TLN2: variants seen among roughly 807,000 people sequenced by gnomAD.
TLN2 encodes talin-2.
TLN2 carries 118 observed loss-of-function variants against 294.7 expected under a neutral mutation model. That is an observed-to-expected ratio of 0.40 (90% CI 0.34 to 0.47). The LOEUF (loss-of-function observed/expected upper bound fraction) is 0.47, where lower values mean the gene tolerates loss of function less well. TLN2 is among the 20% of genes least tolerant of loss of function. The pLI is 0.84. For synonymous variants in TLN2, 1,431 were observed against 1,304.5 expected (o/e 1.10, Z -2.09); for missense variants, 3,083 against 3,282.2 (o/e 0.94, Z 1.48).
chr15:62,490,111 C>G (rs188090256), intron 1 of TLN2, among the ~76,000 whole-genome samples: 3 of 152,154 alleles, frequency 2.0e-5, no homozygotes, highest in Non-Finnish European at 2.9e-5. Flanking sequence ...TTAGCATATT[C>G]GTAGTGAGAC....
intron 9 of TLN2, among the ~76,000 whole-genome samples, chr15:62,667,549 G>T (rs2054863227): frequency 6.6e-6 from 1 of 152,122 alleles, no homozygotes; most frequent in Non-Finnish European, 1.5e-5. Context: ...CACAAATGAG[G>T]CGACATCCCT....
At chr15:62,481,983 G>T (rs1399360516) in intron 1 of TLN2, among the ~76,000 whole-genome samples, 1 of 151,582 alleles carries the variant, frequency 6.6e-6, no homozygotes, top group African/African-American at 2.4e-5. Context: ...TTTTAGTAGA[G>T]ACGGGATTTC....
chr15:62,675,298 G>A lies in TLN2; in HGVS notation c.934G>A (p.Gly312Ser). The part of the protein sequence containing the change: ...VKLARSLRTY[G>S]VSFFLVKEKM... ...ACTCGCACGGTCCCTCCGCACATAT[G>A]GCGTGTCCTTCTTCCTGGTGAAGGT... The change falls in exon 11 of 59, where the codon GGC becomes AGC. Residue 312 changes from glycine to serine, a missense_variant. Transcript: ENST00000636159. 1 of 1,614,196 alleles carries A rather than the reference G, an allele frequency of 6.2e-7. No individual in the cohort carries two copies. Among genetic ancestry groups the A allele is most frequent in the African/African-American group, 1.3e-5 (1 of 75,052 alleles).
intron 1 of TLN2, among the ~76,000 whole-genome samples, chr15:62,498,414 C>G (rs1661314): frequency 0.29 from 44,614 of 151,864 alleles, 7,583 homozygotes; most frequent in African/African-American, 0.47. Context: ...TGTTGTTTTA[C>G]TGGCTACTTG....
intron 9 of TLN2, among the ~76,000 whole-genome samples, chr15:62,659,790 A>G (rs886600570): frequency 2.6e-5 from 4 of 152,220 alleles, no homozygotes; most frequent in Non-Finnish European, 5.9e-5. Context: ...AATTAGGCCA[A>G]ATTAGGTAAT....
Position 62,792,736 on chromosome 15 carries a change from C to G in TLN2, c.5832C>G (p.Asp1944Glu). Residue 1944 changes from aspartate to glutamate, a missense_variant, in exon 46 of 59, where the codon GAC becomes GAG. By Grantham distance (45) the Asp-to-Glu change is conservative. Coordinates refer to ENST00000636159, the MANE Select transcript of TLN2 (RefSeq NM_015059.3). ...GGGCCCTCCAGGTCTGCCCCACAGA[C>G]AGCTACACCAAGAGGGAGCTGATCG... ...KAGALQVCPT[D>E]SYTKRELIEC... 1 of 1,614,096 alleles carries G rather than the reference C, an allele frequency of 6.2e-7. No individual in the cohort carries two copies. The highest frequency in any genetic ancestry group is 8.5e-7 in the Non-Finnish European group (1 of 1,180,036).
intron 1 of TLN2, among the ~76,000 whole-genome samples, chr15:62,403,095 G>A (rs918952758): frequency 6.6e-6 from 1 of 152,056 alleles, no homozygotes; most frequent in Non-Finnish European, 1.5e-5. Context: ...AAAATTGGCT[G>A]GGCATGGTGG....
intron 1 of TLN2, among the ~76,000 whole-genome samples, chr15:62,576,090 T>G (rs2140665011): frequency 6.6e-6 from 1 of 152,272 alleles, no homozygotes; most frequent in Non-Finnish European, 1.5e-5. Flanking sequence ...AAGGTAGTGG[T>G]GATTGTCTTA....
At chr15:62,594,833 G>A (rs2046352498) in intron 2 of TLN2, among the ~76,000 whole-genome samples, 1 of 152,192 alleles carries the variant, frequency 6.6e-6, no homozygotes, top group African/African-American at 2.4e-5. Flanking sequence ...TAAAGCTTCT[G>A]CAAAGCTTAG....
At chr15:62,678,562 G>A (rs2056484184) in intron 11 of TLN2, among the ~76,000 whole-genome samples, 1 of 152,144 alleles carries the variant, frequency 6.6e-6, no homozygotes, top group African/African-American at 2.4e-5. Context: ...TGGGCATGGT[G>A]GCTCACGCCT....
chr15:62,716,152 C>G (rs2059758461), intron 22 of TLN2, among the ~76,000 whole-genome samples, 179 bp from the exon 23 acceptor site: 1 of 152,234 alleles, frequency 6.6e-6, no homozygotes, highest in Non-Finnish European at 1.5e-5. Flanking sequence ...AATTTTGAAA[C>G]ATCCCCTGGT....
At chr15:62,565,781 A>G (rs1453867958) in intron 1 of TLN2, among the ~76,000 whole-genome samples, 2 of 152,208 alleles carry the variant, frequency 1.3e-5, no homozygotes, top group East Asian at 3.8e-4. Context: ...TCAAATAATA[A>G]AATGTATTTC....
chr15:62,536,294 A>C (rs2041346350), intron 1 of TLN2, among the ~76,000 whole-genome samples: 1 of 152,140 alleles, frequency 6.6e-6, no homozygotes, highest in South Asian at 2.1e-4. Context: ...CAGGCCTGAG[A>C]AGGATTCTCT....
intron 1 of TLN2, among the ~76,000 whole-genome samples, chr15:62,526,999 A>G (rs1443711908): frequency 6.6e-6 from 1 of 152,208 alleles, no homozygotes; most frequent in Non-Finnish European, 1.5e-5. Flanking sequence ...TACAATATAC[A>G]TACATGCACC....
At chr15:62,640,140 A>C (rs1465447191) in intron 3 of TLN2, 3 of 455,092 alleles carry the variant, frequency 6.6e-6, no homozygotes, top group Non-Finnish European at 8.8e-6. Context: ...GCTGTGACCC[A>C]GTGCATGGTG....
chr15:62,726,998 T>G, intron 27 of TLN2, 89 bp from the exon 28 acceptor site: 11 of 1,349,518 alleles, frequency 8.2e-6, no homozygotes, highest in Non-Finnish European at 1.1e-5. Flanking sequence ...GCTCAAAGTT[T>G]GATCTGCATG....
chr15:62,605,872 C>T (rs992592468), intron 2 of TLN2, among the ~76,000 whole-genome samples: 1 of 152,200 alleles, frequency 6.6e-6, no homozygotes. Context: ...CGAAATGTCT[C>T]TTCAGATGTG....
At chr15:62,626,184 TTAAA>T (rs1485871017) in intron 3 of TLN2, among the ~76,000 whole-genome samples, 2 of 152,228 alleles carry the variant, frequency 1.3e-5, no homozygotes, top group African/African-American at 4.8e-5. Flanking sequence ...TTGAGGCTTT[TTAAA>T]TTGTTGACTT....
chr15:62,492,783 G>C (rs1202672035), intron 1 of TLN2, among the ~76,000 whole-genome samples: 2 of 151,816 alleles, frequency 1.3e-5, no homozygotes, highest in African/African-American at 4.8e-5. Context: ...TTTTGTTATG[G>C]TAGAATTTGA....
Sources: allele counts gnomAD v4.1 joint callset (sites outside exome capture counted in the v4.1 genomes callset), GRCh38; gene constraint gnomAD v4.1.1; transcripts MANE v1.5; gene names NCBI Gene and HGNC (gene_info 2026-07-23, HGNC 2026-07-21).